The following CLCNKA variants were observed in gnomAD, a reference collection of about 807,000 sequenced individuals.
The protein encoded by CLCNKA is chloride voltage-gated channel Ka, also known as chloride channel protein ClC-Ka.
Under a neutral mutation model 83.3 loss-of-function variants are expected in CLCNKA, and 66 were observed. The observed-to-expected ratio is 0.79, with a 90% confidence interval of 0.65 to 0.97. The LOEUF is 0.97. Ranked by LOEUF, CLCNKA falls within the 50% of genes least tolerant of loss-of-function variation. The pLI, the probability that CLCNKA is intolerant of heterozygous loss-of-function variation, is 0.00. For missense variants in CLCNKA, 806 were observed against 888.7 expected (o/e 0.91, Z 1.18); for synonymous variants, 357 against 370.4 (o/e 0.96, Z 0.42).
At chr1:16,028,970 G>T in intron 11 of CLCNKA, 125 bp downstream of exon 11, 1 of 1,499,482 alleles carries the variant, frequency 6.7e-7, no homozygotes. Context: ...CTGCAGATAA[G>T]GAGACCATGG....
intron 4 of CLCNKA, 62 bp from the exon 5 acceptor site, chr1:16,026,046 G>T (rs544403473): frequency 6.2e-7 from 1 of 1,608,794 alleles, no homozygotes; most frequent in Non-Finnish European, 8.5e-7. Flanking sequence ...GAGCCACTGC[G>T]CCTGGCAGAG....
intron 10 of CLCNKA, 170 bp from the exon 11 acceptor site, chr1:16,028,591 C>T (rs1304755816): frequency 9.8e-6 from 8 of 816,550 alleles, no homozygotes; most frequent in East Asian, 2.6e-5. Flanking sequence ...GGGTTCTACC[C>T]GCTGGAGGGG....
chr1:16,029,437 A>C, intron 12 of CLCNKA, 138 bp downstream of exon 12: 1 of 1,338,712 alleles, frequency 7.5e-7, no homozygotes, highest in Non-Finnish European at 1.0e-6. Flanking sequence ...TGCCCACTGC[A>C]TGGTCCTGGA....
intron 15 of CLCNKA, among the ~76,000 whole-genome samples, chr1:16,030,890 A>G (rs2124052115): frequency 6.6e-6 from 1 of 152,282 alleles, no homozygotes; most frequent in East Asian, 1.9e-4. Flanking sequence ...GTGTCTGTCT[A>G]GGGGTCAGCT....
chr1:16,023,784 C>T lies in CLCNKA; in HGVS notation c.101-16C>T, dbSNP rs374085944. ...CTTGCCCCAACATAAGCTGGGACTC[C>T]GATACCCTGCCCCAGGTGGCCTGGA... On this transcript the variant is annotated splice_polypyrimidine_tract_variant and intron_variant, in intron 2 of 19. Coordinates refer to ENST00000331433, the MANE Select transcript of CLCNKA (RefSeq NM_004070.4). 5.0e-5 allele frequency: 80 copies of T among 1,613,648 alleles called. No individual in the cohort carries two copies. Among genetic ancestry groups the T allele is most frequent in the African/African-American group, 2.8e-4 (21 of 74,930 alleles).
intron 3 of CLCNKA, among the ~76,000 whole-genome samples, chr1:16,024,403 G>A (rs543021940): frequency 7.7e-4 from 117 of 152,332 alleles, no homozygotes; most frequent in African/African-American, 2.3e-3. Context: ...ATGGTGTTAC[G>A]GTGTTTGGTG....
In CLCNKA at chr1:16,030,733, G is replaced by T; in HGVS notation, c.1622+59G>T. 3 of 1,607,764 alleles carry T rather than the reference G, an allele frequency of 1.9e-6. No individual in the cohort carries two copies. In the Admixed American group the frequency reaches 5.0e-5, roughly 27 times the overall value. On this transcript the variant is annotated intron_variant, in intron 15 of 19. Transcript: ENST00000331433. ...GGTCACAGTGTTTGGGCTTGGCTGG[G>T]GGTGGAGGGCACCTCCAAAAAGAAA...
chr1:16,026,530 C>A lies in CLCNKA; in HGVS notation c.499-6C>A. 1 of 1,613,940 alleles carries A rather than the reference C, an allele frequency of 6.2e-7. No individual in the cohort carries two copies. The highest frequency in any genetic ancestry group is 8.5e-7 in the Non-Finnish European group (1 of 1,180,018). On this transcript the variant is annotated splice_polypyrimidine_tract_variant and splice_region_variant and intron_variant, in intron 5 of 19. Transcript: ENST00000331433. ...CCCTCACCTGGGCCCACCCTTCCCT[C>A]TGCAGGGCCCTTTCGTGCACCTGTC...
chr1:16,029,630 C>T lies in CLCNKA; in HGVS notation c.1228-101C>T, dbSNP rs919622934. 7 of 1,476,918 alleles carry T rather than the reference C, an allele frequency of 4.7e-6. No individual in the cohort carries two copies. The Admixed American group carries it at 1.2e-4, about 25-fold the overall frequency. The allele number at this position is 1,476,918 out of a possible 1,614,324, so 91.5% of individuals were successfully genotyped here. A position where few individuals can be genotyped will look rare whatever the true frequency, so the allele number is the denominator to read the frequency against. On this transcript the variant is annotated intron_variant, in intron 12 of 19. Coordinates refer to ENST00000331433, the MANE Select transcript of CLCNKA (RefSeq NM_004070.4). Reference sequence around the variant, plus strand: ...GCAGTGGGTGCATGGCTGGCACCCTCTTTCTATCTAGGACACTCCCCTGTC... The same window carrying T: ...GCAGTGGGTGCATGGCTGGCACCCTTTTTCTATCTAGGACACTCCCCTGTC...
chr1:16,032,669 A>G, intron 18 of CLCNKA, 143 bp downstream of exon 18: 1 of 701,126 alleles, frequency 1.4e-6, no homozygotes, highest in Non-Finnish European at 2.6e-6. Flanking sequence ...TGGACAGGGC[A>G]GCTCCTGCCG....
chr1:16,031,239 G>A (rs1439554212), intron 15 of CLCNKA, among the ~76,000 whole-genome samples: 4 of 152,054 alleles, frequency 2.6e-5, no homozygotes, highest in South Asian at 4.1e-4. Flanking sequence ...TTTCCCCATC[G>A]GGAAAATGGG....
Position 16,032,308 on chromosome 1 carries a change from G to T in CLCNKA, c.1845+17G>T. 1 of 1,585,000 alleles carries T rather than the reference G, an allele frequency of 6.3e-7. No individual in the cohort carries two copies. The highest frequency in any genetic ancestry group is 8.7e-7 in the Non-Finnish European group (1 of 1,155,444). On this transcript the variant is annotated intron_variant, in intron 17 of 19. Transcript: ENST00000331433. ...GGACACCAGGTGGTTACTCCTGAGG[G>T]GCGTGGGGATGGGGCGGGGGTGGGT...
At chr1:16,031,670 C>T in intron 15 of CLCNKA, 40 bp from the exon 16 acceptor site, 3 of 1,613,278 alleles carry the variant, frequency 1.9e-6, no homozygotes, top group Non-Finnish European at 2.5e-6. Flanking sequence ...GGTCTGACAT[C>T]CCCGACTCCG....
chr1:16,027,288 C>T, intron 7 of CLCNKA, 22 bp from the exon 8 acceptor site: 2 of 1,612,458 alleles, frequency 1.2e-6, no homozygotes, highest in Non-Finnish European at 1.7e-6. Flanking sequence ...GGGGGCCCAC[C>T]TGACATCAGT....
intron 10 of CLCNKA, among the ~76,000 whole-genome samples, chr1:16,028,335 C>G (rs1171968002): frequency 6.6e-6 from 1 of 150,738 alleles, no homozygotes; most frequent in Admixed American, 6.6e-5. Context: ...CTCCTTCATT[C>G]TACAATCTCT....
In CLCNKA at chr1:16,030,056, CG is replaced by C; in HGVS notation, c.1395del (p.Tyr466MetfsTer13). The C allele has an allele frequency of 3.1e-6, 5 of 1,605,632 alleles. No individual in the cohort carries two copies. The highest frequency in any genetic ancestry group is 4.3e-6 in the Non-Finnish European group (5 of 1,172,908). ...TGGVTNPIMP[G>X]GYALAGAAAF... The stretch of plus-strand genomic sequence containing the variant: ...GAGGGGTTACCAATCCCATCATGCC[CG>C]GGGGGTATGCTCTGGCAGGTGAGTG... On this transcript the variant is annotated frameshift_variant, in exon 14 of 20. Transcript: ENST00000331433. LOFTEE classifies it high-confidence loss of function.
rs751162822 is a variant in CLCNKA at position 16,027,380 on chromosome 1, G to C, written c.726G>C (p.Ala242=). 1.2e-5 allele frequency: 20 copies of C among 1,613,828 alleles called. No individual in the cohort carries two copies. The South Asian group carries it at 1.8e-4, about 14-fold the overall frequency. The change falls in exon 8 of 20, where the codon GCG becomes GCC. Residue 242 remains alanine, a synonymous_variant. Coordinates refer to ENST00000331433, the MANE Select transcript of CLCNKA (RefSeq NM_004070.4). The part of the protein sequence containing the change: ...SVRDYWRGFF[A]ATCGAFIFRL... ...GGGATTACTGGAGGGGCTTCTTTGC[G>C]GCCACCTGCGGGGCCTTCATATTCC...
Position 16,023,917 on chromosome 1 carries a change from G to C in CLCNKA, c.218G>C (p.Cys73Ser). The stretch of plus-strand genomic sequence containing the variant: ...TATGCCATGAACTTTGCCATCGGGT[G>C]TGTGGTCCGAGGTAACTCTTCCCTG... ...VSYAMNFAIG[C>S]VVRAHQWLYR... Residue 73 changes from cysteine to serine, a missense_variant, in exon 3 of 20, where the codon TGT (cysteine) becomes TCT (serine). Transcript: ENST00000331433. 6.2e-7 allele frequency: 1 copy of C among 1,614,156 alleles called. No individual in the cohort carries two copies. The highest frequency in any genetic ancestry group is 8.5e-7 in the Non-Finnish European group (1 of 1,179,996).
intron 16 of CLCNKA, 144 bp from the exon 17 acceptor site, chr1:16,032,059 G>A: frequency 6.1e-6 from 7 of 1,151,236 alleles, no homozygotes; most frequent in Non-Finnish European, 9.0e-6. Flanking sequence ...TGTCTAAAGA[G>A]AGTCGGCTGG....
Sources: gnomAD v4.1 joint callset for allele counts (sites outside exome capture counted in the v4.1 genomes callset) on GRCh38, gnomAD v4.1.1 for gene constraint, MANE v1.5 for transcripts, NCBI Gene and HGNC (gene_info 2026-07-23, HGNC 2026-07-21) for gene names.